AFF2: variants seen among roughly 807,000 people sequenced by gnomAD.
The protein encoded by AFF2 is ALF transcription elongation factor 2.
AFF2 carries 14 observed loss-of-function variants against 76.9 expected under a neutral mutation model. That is an observed-to-expected ratio of 0.18 (90% CI 0.12 to 0.28). The LOEUF (loss-of-function observed/expected upper bound fraction) is 0.28. Among genes scored for constraint, AFF2 ranks in the 10% least tolerant of loss-of-function variants. The pLI is 1.00. For missense variants in AFF2, 868 were observed against 1,001.1 expected (o/e 0.87, Z 1.79); for synonymous variants, 398 against 366.7 (o/e 1.09, Z -0.98).
Position 148,539,807 on chromosome X carries a change from A to G in AFF2, c.47+38663A>G, listed in dbSNP as rs1425054698. 2.7e-5 allele frequency among the ~76,000 whole-genome samples: 3 copies of G among 111,165 alleles called. No individual in the cohort carries two copies. The Admixed American group carries it at 2.9e-4, about 11-fold the overall frequency. On this transcript the variant is annotated intron_variant, in intron 1 of 20. Transcript: ENST00000370460. ...TTGAAATCTAGATTTAGTAAGCCCT[A>G]CTAAGCCCTACTTAGGCTGCAGTTT... is the stretch of plus-strand genomic sequence containing the variant.
chrX:148,682,115 G>C (rs1004961639), intron 3 of AFF2, among the ~76,000 whole-genome samples: 51 of 111,776 alleles, frequency 4.6e-4, no homozygotes, highest in African/African-American at 1.6e-3. Flanking sequence ...TTACTCAGCT[G>C]GTTGTTGTAC....
chrX:148,908,993 T>C (rs1054695279), intron 9 of AFF2, among the ~76,000 whole-genome samples: 2 of 111,843 alleles, frequency 1.8e-5, no homozygotes, highest in Non-Finnish European at 3.8e-5. Flanking sequence ...TATAGAAAGT[T>C]TGTGGACTCC....
At chrX:148,889,896 A>G (rs782170034) in intron 8 of AFF2, among the ~76,000 whole-genome samples, 2 of 111,963 alleles carry the variant, frequency 1.8e-5, no homozygotes, top group Non-Finnish European at 3.8e-5. Context: ...AGGTCAATCA[A>G]TACAGGCAAA....
rs1557244857 is a variant in AFF2, at chrX:148,581,390, ATATACGTATACGTGTACACACATATACG to A, written c.48-70601_48-70574del. 2.8e-4 allele frequency among the ~76,000 whole-genome samples: 10 copies of A among 36,274 alleles called. 3 individuals carry two copies. The highest frequency in any genetic ancestry group is 7.0e-4 in the African/African-American group (10 of 14,251). 31.5% of individuals were successfully genotyped at this position (36,274 alleles called of 115,157 possible). A position where few individuals can be genotyped will look rare whatever the true frequency, so the allele number is the denominator to read the frequency against. On this transcript the variant is annotated intron_variant, in intron 1 of 20. Coordinates refer to ENST00000370460, the MANE Select transcript of AFF2 (RefSeq NM_002025.4). The stretch of plus-strand genomic sequence containing the variant: ...TATACGTGTACACACATATACACGT[ATATACGTATACGTGTACACACATATACG>A]TATACGTCTACGTGTACACACATAT...
Position 148,753,888 on chromosome X carries a change from T to C in AFF2, c.1042-55988T>C, listed in dbSNP as rs192498317. On this transcript the variant is annotated intron_variant, in intron 3 of 20. Coordinates refer to ENST00000370460, the MANE Select transcript of AFF2 (RefSeq NM_002025.4). ...TGTTGCTTAGCCTTTCAGACATCTCTCCCATTCCTTCTGAATACATAATTG... is the reference window on the plus strand; with the variant it reads ...TGTTGCTTAGCCTTTCAGACATCTCCCCCATTCCTTCTGAATACATAATTG... Among the ~76,000 whole-genome samples, 124 of 111,922 alleles carry C rather than the reference T, an allele frequency of 1.1e-3. 1 individual carries two copies. Among genetic ancestry groups the C allele is most frequent in the African/African-American group, 3.7e-3 (115 of 30,825 alleles).
rs1374669198 is a variant in AFF2 at position 148,993,724 on chromosome X, A to G, written c.*2392A>G. The G allele has an allele frequency of 8.9e-6, 1 of 112,122 alleles. No homozygotes were observed. The highest frequency in any genetic ancestry group is 1.9e-5 in the Non-Finnish European group (1 of 53,260). The allele number at this position is 112,122 out of a possible 1,213,427, so 9.2% of individuals were successfully genotyped here. A position where few individuals can be genotyped will look rare whatever the true frequency, so the allele number is the denominator to read the frequency against. On this transcript the variant is annotated 3_prime_UTR_variant, in exon 21 of 21. Transcript: ENST00000370460. ...CATCTCTGGTGACTGAGTGTAAAAT[A>G]TGTGCCAAGTCTGCAGCACAGTGAC...
Position 148,962,830 on chromosome X carries a change from C to T in AFF2, c.2806C>T (p.Pro936Ser), listed in dbSNP as rs782296499. 9.9e-6 allele frequency: 12 copies of T among 1,208,254 alleles called. No homozygotes were observed. The highest frequency in any genetic ancestry group is 2.3e-4 in the Middle Eastern group (1 of 4,370). Reference sequence around the variant, plus strand: ...CAGAAATGTCAGTGGCAATAATGGTCCCTTTGGTCAAGACAAAAACATCGC... The same window carrying T: ...CAGAAATGTCAGTGGCAATAATGGTTCCTTTGGTCAAGACAAAAACATCGC... ...RRRNVSGNNG[P>S]FGQDKNIAMT... Residue 936 changes from proline (P) to serine (S), a missense_variant, in exon 13 of 21, where the codon CCC becomes TCC. Around this residue, in one of 6 missense-constraint regions of AFF2, gnomAD observed 532 missense variants for 564.2 expected, o/e 0.94. Transcript: ENST00000370460.
chrX:148,961,266 C>T (rs1199355523), intron 12 of AFF2, among the ~76,000 whole-genome samples: 11 of 112,016 alleles, frequency 9.8e-5, no homozygotes, highest in Non-Finnish European at 1.7e-4. Flanking sequence ...GACATCCACA[C>T]GTATAAATTC....
At chrX:148,617,041 C>T (rs2124412580) in intron 1 of AFF2, among the ~76,000 whole-genome samples, 1 of 111,711 alleles carries the variant, frequency 9.0e-6, no homozygotes, top group East Asian at 2.8e-4. Flanking sequence ...CATACGTGTG[C>T]ATGTGTCTTT....
At chrX:148,634,837 A>C (rs1047306663) in intron 1 of AFF2, among the ~76,000 whole-genome samples, 9 of 111,966 alleles carry the variant, frequency 8.0e-5, no homozygotes, top group African/African-American at 2.9e-4. Context: ...TGTGGATGAC[A>C]CAGGCCTTCA....
intron 1 of AFF2, among the ~76,000 whole-genome samples, chrX:148,535,443 C>T (rs1475151889): frequency 9.0e-6 from 1 of 110,808 alleles, no homozygotes; most frequent in Non-Finnish European, 1.9e-5. Flanking sequence ...ATCTGTCCAC[C>T]CTACTCACAC....
chrX:148,547,052 A>G lies in AFF2; in HGVS notation c.47+45908A>G, dbSNP rs943387817. ...TCAGAGAGATAATCCATACCCACAA[A>G]CACCGTAAAAAGTAGACAGAATTAA... On this transcript the variant is annotated intron_variant, in intron 1 of 20. Coordinates refer to ENST00000370460, the MANE Select transcript of AFF2 (RefSeq NM_002025.4). 2.7e-5 allele frequency: 3 copies of G among 112,142 alleles called. No individual in the cohort carries two copies. The Admixed American group carries it at 2.8e-4, about 11-fold the overall frequency. 9.2% of individuals were successfully genotyped at this position (112,142 alleles called of 1,213,427 possible). A position where few individuals can be genotyped will look rare whatever the true frequency, so the allele number is the denominator to read the frequency against.
intron 7 of AFF2, among the ~76,000 whole-genome samples, chrX:148,843,864 T>C (rs1281037243): frequency 9.0e-6 from 1 of 111,227 alleles, no homozygotes; most frequent in Admixed American, 9.6e-5. Flanking sequence ...TCTCATGTCA[T>C]GATCCCCTCC....
intron 1 of AFF2, among the ~76,000 whole-genome samples, chrX:148,559,846 T>G (rs2053090866): frequency 9.0e-6 from 1 of 111,481 alleles, no homozygotes; most frequent in African/African-American, 3.3e-5. Context: ...CTTGAGGAAT[T>G]GCCACACTGT....
At chrX:148,889,745 T>A (rs1348072622) in intron 8 of AFF2, among the ~76,000 whole-genome samples, 3 of 111,770 alleles carry the variant, frequency 2.7e-5, no homozygotes, top group African/African-American at 9.8e-5. Context: ...AGAGTATAGC[T>A]GTATAGTTAC....
intron 4 of AFF2, among the ~76,000 whole-genome samples, chrX:148,819,331 A>G (rs2070302193): frequency 9.0e-6 from 1 of 111,603 alleles, no homozygotes; most frequent in Non-Finnish European, 1.9e-5. Flanking sequence ...TCATATGCTT[A>G]GAGTATGTTT....
chrX:148,778,388 C>G (rs1401292952), intron 3 of AFF2, among the ~76,000 whole-genome samples: 1 of 111,012 alleles, frequency 9.0e-6, no homozygotes, highest in Non-Finnish European at 1.9e-5. Flanking sequence ...GGGAGGAGTC[C>G]TTTTTTTTCT....
intron 16 of AFF2, among the ~76,000 whole-genome samples, chrX:148,975,711 G>A (rs2072312746): frequency 9.3e-6 from 1 of 107,864 alleles, no homozygotes; most frequent in African/African-American, 3.3e-5. Flanking sequence ...TTGGGAGGCC[G>A]AGGCGGGCGG....
chrX:148,623,584 C>T (rs1557251569), intron 1 of AFF2, among the ~76,000 whole-genome samples: 2 of 99,787 alleles, frequency 2.0e-5, no homozygotes, highest in South Asian at 9.0e-4. Flanking sequence ...ATATATATGT[C>T]CCACTCAAAC....
Sources: gnomAD v4.1 joint callset for allele counts (sites outside exome capture counted in the v4.1 genomes callset) on GRCh38, gnomAD v4.1.1 for gene constraint, gnomAD v4.1.1 regional missense constraint, MANE v1.5 for transcripts, NCBI Gene and HGNC (gene_info 2026-07-23, HGNC 2026-07-21) for gene names.